ZNF536: variants seen among roughly 807,000 people sequenced by gnomAD.
The protein encoded by ZNF536 is zinc finger protein 536.
ZNF536 carries 13 observed loss-of-function variants against 84.5 expected under a neutral mutation model. The ratio of observed to expected loss-of-function variants is 0.15; its 90% CI spans 0.10 to 0.24. ZNF536 has a LOEUF of 0.24. Ranked by LOEUF, ZNF536 falls within the 10% of genes least tolerant of loss-of-function variation. The probability of loss-of-function intolerance (pLI) is 1.00; values close to 1 mark genes in which losing one functional copy is unlikely to be tolerated. For missense variants in ZNF536, 1,536 were observed against 1,747.5 expected, an observed-to-expected ratio of 0.88 and a Z score of 2.16; for synonymous variants, 811 against 742.5, an observed-to-expected ratio of 1.09 and a Z score of -1.50.
intron 2 of ZNF536, among the ~76,000 whole-genome samples, chr19:30,473,262 A>G (rs1361180861): frequency 1.3e-5 from 2 of 151,998 alleles, no homozygotes; most frequent in Non-Finnish European, 2.9e-5. Context: ...GGGATATAAC[A>G]TCTTGAGATT....
chr19:30,568,447 T>A (rs988196514), intron 1 of ZNF536, among the ~76,000 whole-genome samples: 1 of 152,234 alleles, frequency 6.6e-6, no homozygotes, highest in Non-Finnish European at 1.5e-5. Context: ...GGAGCAAAGA[T>A]GAGGATTTCT....
chr19:30,332,197 C>T (rs1050837500), intron 2 of ZNF536, among the ~76,000 whole-genome samples: 3 of 152,204 alleles, frequency 2.0e-5, no homozygotes, highest in Non-Finnish European at 4.4e-5. Context: ...CCCCCGGCCT[C>T]AGCTACTGAT....
chr19:30,345,237 G>A (rs1192573382), intron 2 of ZNF536, among the ~76,000 whole-genome samples: 4 of 100,776 alleles, frequency 4.0e-5, no homozygotes, highest in Admixed American at 2.3e-4. Context: ...ACCACGCCCC[G>A]GGGGCTCCCC....
upstream of ZNF536, among the ~76,000 whole-genome samples, chr19:30,227,763 T>C (rs916524381): frequency 1.3e-5 from 2 of 150,684 alleles, no homozygotes; most frequent in African/African-American, 2.4e-5. Context: ...CCGCCGCCGC[T>C]GTGCAATTTA....
chr19:30,699,030 G>T (rs980278079), intron 1 of ZNF536, among the ~76,000 whole-genome samples: 1 of 152,128 alleles, frequency 6.6e-6, no homozygotes, highest in Non-Finnish European at 1.5e-5. Flanking sequence ...TACTCAAATG[G>T]TTCTACCTTT....
At chr19:30,270,006 G>T (rs1275840660) in intron 1 of ZNF536, among the ~76,000 whole-genome samples, 1 of 152,140 alleles carries the variant, frequency 6.6e-6, no homozygotes, top group Non-Finnish European at 1.5e-5. Flanking sequence ...ATCAGAACTG[G>T]AGAGAAAAAT....
chr19:30,508,098 C>A (rs1453529204), intron 2 of ZNF536, among the ~76,000 whole-genome samples: 5 of 152,182 alleles, frequency 3.3e-5, no homozygotes, highest in Non-Finnish European at 7.3e-5. Flanking sequence ...TGTGCCCCAG[C>A]AGTCTGGAAA....
intron 2 of ZNF536, among the ~76,000 whole-genome samples, chr19:30,531,505 C>T (rs998480688): frequency 6.6e-6 from 1 of 151,070 alleles, no homozygotes; most frequent in African/African-American, 2.4e-5. Flanking sequence ...GAGTATATTG[C>T]GTGATGCTGA....
At chr19:30,575,153 C>CATTA (rs1568568385) in intron 1 of ZNF536, among the ~76,000 whole-genome samples, 1 of 152,184 alleles carries the variant, frequency 6.6e-6, no homozygotes, top group Non-Finnish European at 1.5e-5. Context: ...TTCATTCATT[C>CATTA]AGCAAGCAAG....
chr19:30,483,535 C>A (rs1007510056), intron 2 of ZNF536, among the ~76,000 whole-genome samples: 3 of 144,570 alleles, frequency 2.1e-5, no homozygotes, highest in African/African-American at 7.7e-5. Flanking sequence ...ATGGTCCAGG[C>A]GGTTCCTTCT....
intron 1 of ZNF536, among the ~76,000 whole-genome samples, chr19:30,432,712 G>T (rs1478124620): frequency 6.6e-6 from 1 of 152,156 alleles, no homozygotes; most frequent in East Asian, 1.9e-4. Flanking sequence ...ATCCTTTACT[G>T]GTTTACCATC....
chr19:30,293,138 G>A (rs911805940), intron 2 of ZNF536, among the ~76,000 whole-genome samples: 1 of 152,104 alleles, frequency 6.6e-6, no homozygotes, highest in African/African-American at 2.4e-5. Flanking sequence ...ATCTCCCAGA[G>A]GCTGTCTTGG....
intron 1 of ZNF536, among the ~76,000 whole-genome samples, chr19:30,659,925 C>T (rs2050060390): frequency 6.6e-6 from 1 of 151,636 alleles, no homozygotes; most frequent in Non-Finnish European, 1.5e-5. Context: ...TATGTTCAGT[C>T]TTTGCTCCTA....
intron 3 of ZNF536, among the ~76,000 whole-genome samples, chr19:30,365,567 C>T (rs908307079): frequency 1.3e-5 from 2 of 152,292 alleles, no homozygotes; most frequent in South Asian, 2.1e-4. Context: ...GCAAGGGCCA[C>T]GAAGCCCACG....
chr19:30,713,159 T>TG (rs1156260742), exon 2 of ZNF536: 29 of 152,224 alleles, frequency 1.9e-4, no homozygotes, highest in Middle Eastern at 3.2e-3. Flanking sequence ...CCAGTGCTGC[T>TG]GTCCTTCCTC....
At chr19:30,236,821 G>T (rs1042972914) in intron 1 of ZNF536, among the ~76,000 whole-genome samples, 2 of 152,140 alleles carry the variant, frequency 1.3e-5, no homozygotes, top group Non-Finnish European at 2.9e-5. Flanking sequence ...TTTGGAGGGG[G>T]GTGGTAGGGA....
rs1439470894 is a variant in ZNF536 at position 30,444,281 on chromosome 19, T to C, written c.719T>C (p.Leu240Pro). The change falls in exon 2 of 5, where the codon CTG becomes CCG. Residue 240 changes from leucine to proline, a missense_variant. By Grantham distance (98) the Leu-to-Pro change is moderately conservative. This residue lies in a region of ZNF536 where 138 missense variants were observed against 136.8 expected (regional missense o/e 1.01). Transcript: ENST00000355537. ...AQQAPLAACT[L>P]ALQANHSVPD... is the part of the protein sequence containing the mutation. ...CAGGCCCCGCTGGCCGCCTGCACCC[T>C]GGCCCTGCAGGCTAACCACAGCGTT... The C allele has an allele frequency of 1.9e-6, 3 of 1,567,968 alleles. No homozygotes were observed. The highest frequency in any genetic ancestry group is 4.7e-5 in the East Asian group (2 of 42,802).
intron 1 of ZNF536, among the ~76,000 whole-genome samples, chr19:30,633,430 T>G (rs969475851): frequency 2.6e-5 from 4 of 152,252 alleles, no homozygotes; most frequent in African/African-American, 9.6e-5. Context: ...TATTACAAAT[T>G]TACTCTCTGG....
At chr19:30,616,725 G>A (rs1422240827) in intron 1 of ZNF536, among the ~76,000 whole-genome samples, 1 of 152,018 alleles carries the variant, frequency 6.6e-6, no homozygotes, top group Non-Finnish European at 1.5e-5. Flanking sequence ...AAATAGCATG[G>A]GTGTCATCTG....
Sources: allele counts gnomAD v4.1 joint callset (sites outside exome capture counted in the v4.1 genomes callset), GRCh38; gene constraint gnomAD v4.1.1; regional missense constraint gnomAD v4.1.1; transcripts MANE v1.5; gene names NCBI Gene and HGNC (gene_info 2026-07-23, HGNC 2026-07-21).